The following SH2D4B variants were observed in gnomAD, a reference collection of about 807,000 sequenced individuals.
The protein encoded by SH2D4B is SH2 domain-containing protein 4B.
A neutral mutation model predicts 61.5 loss-of-function variants in SH2D4B; 45 were observed. The observed-to-expected ratio is 0.73, with a 90% CI of 0.58 to 0.94. The LOEUF (loss-of-function observed/expected upper bound fraction) is 0.94. Ranked by LOEUF, SH2D4B falls within the 40% of genes least tolerant of loss-of-function variation. The pLI, the probability that SH2D4B is intolerant of heterozygous loss-of-function variation, is 0.00. For synonymous variants in SH2D4B, 224 were observed against 220.4 expected, an observed-to-expected ratio of 1.02 and a Z score of -0.14; for missense variants, 572 against 574.2, an observed-to-expected ratio of 1.00 and a Z score of 0.04.
intron 6 of SH2D4B, among the ~76,000 whole-genome samples, chr10:80,622,883 G>A (rs938724517): frequency 6.6e-6 from 1 of 152,138 alleles, no homozygotes; most frequent in Non-Finnish European, 1.5e-5. Flanking sequence ...AGCTGTTATA[G>A]CAGAATACCT....
rs140016061 is a variant in SH2D4B at position 80,633,859 on chromosome 10, G to A, written c.989-426G>A. On this transcript the variant is annotated intron_variant, in intron 6 of 7. Transcript: ENST00000646907. Reference sequence around the variant, plus strand: ...CTTATTTATGGTACTAGAGAAATAAGTGAGTTAGTCATCAGCAGCCATTCT... The same window carrying A: ...CTTATTTATGGTACTAGAGAAATAAATGAGTTAGTCATCAGCAGCCATTCT... 6.8e-4 allele frequency among the ~76,000 whole-genome samples: 103 copies of A among 152,352 alleles called. 1 individual carries two copies. The East Asian group carries it at 0.019, about 28-fold the overall frequency.
intron 3 of SH2D4B, among the ~76,000 whole-genome samples, chr10:80,577,990 A>G (rs929548826): frequency 1.3e-5 from 2 of 150,076 alleles, no homozygotes; most frequent in African/African-American, 2.5e-5. Flanking sequence ...TTTTTTTTCG[A>G]GACAGGGTCC....
intron 4 of SH2D4B, among the ~76,000 whole-genome samples, chr10:80,600,616 T>C (rs1168812613): frequency 6.6e-6 from 1 of 151,960 alleles, no homozygotes; most frequent in African/African-American, 2.4e-5. Flanking sequence ...TCTCAGGGCC[T>C]TACCTGGCAG....
intron 7 of SH2D4B, among the ~76,000 whole-genome samples, chr10:80,639,492 T>C (rs1372097138): frequency 2.6e-5 from 4 of 152,214 alleles, no homozygotes; most frequent in Non-Finnish European, 5.9e-5. Flanking sequence ...AAATTTAGGA[T>C]AGTTAGCTCT....
At chr10:80,548,744 GTCTGGGCC>G (rs1183982213) in intron 1 of SH2D4B, among the ~76,000 whole-genome samples, 1 of 152,166 alleles carries the variant, frequency 6.6e-6, no homozygotes, top group Admixed American at 6.5e-5. Context: ...CTTGGAATTA[GTCTGGGCC>G]TCTTCCTGAG....
At chr10:80,615,675 A>C (rs1842651895) in intron 6 of SH2D4B, among the ~76,000 whole-genome samples, 1 of 152,032 alleles carries the variant, frequency 6.6e-6, no homozygotes, top group Admixed American at 6.6e-5. Context: ...TGCCAGTCCA[A>C]ACCCCTGTTC....
At chr10:80,564,915 G>T (rs1020534345) in intron 1 of SH2D4B, among the ~76,000 whole-genome samples, 4 of 152,204 alleles carry the variant, frequency 2.6e-5, no homozygotes, top group African/African-American at 9.7e-5. Flanking sequence ...TGCCAATCGG[G>T]CAGCACTCAG....
At chr10:80,608,700 C>G (rs1197209420) in intron 5 of SH2D4B, among the ~76,000 whole-genome samples, 1 of 152,102 alleles carries the variant, frequency 6.6e-6, no homozygotes, top group Non-Finnish European at 1.5e-5. Context: ...GCCCTCCGTG[C>G]CTTCAGTCCC....
chr10:80,559,324 G>T (rs1841875220), intron 1 of SH2D4B, among the ~76,000 whole-genome samples: 1 of 152,072 alleles, frequency 6.6e-6, no homozygotes, highest in East Asian at 1.9e-4. Flanking sequence ...ACATTTGAAT[G>T]AACAGGCACA....
chr10:80,552,921 CTT>C (rs1042062487), intron 1 of SH2D4B, among the ~76,000 whole-genome samples: 3 of 144,106 alleles, frequency 2.1e-5, no homozygotes, highest in African/African-American at 5.8e-5. Context: ...CTCTCTCTCT[CTT>C]TCTTTCTTTG....
rs182911657 is a variant in SH2D4B at position 80,547,277 on chromosome 10, T to A, written c.184+8762T>A. On this transcript the variant is annotated intron_variant, in intron 1 of 7. Coordinates refer to ENST00000646907, the MANE Select transcript of SH2D4B (RefSeq NM_001388272.1). ...CTAAACACCATGGGAAATTCTTGCTTAAAGCTGCCTTGCGCCCCATCCCTA... is the reference window on the plus strand; with the variant it reads ...CTAAACACCATGGGAAATTCTTGCTAAAAGCTGCCTTGCGCCCCATCCCTA... Among the ~76,000 whole-genome samples, 147 of 152,354 alleles carry A rather than the reference T, an allele frequency of 9.6e-4. 1 individual carries two copies. Among genetic ancestry groups the A allele is most frequent in the African/African-American group, 3.3e-3 (138 of 41,580 alleles).
intron 7 of SH2D4B, among the ~76,000 whole-genome samples, chr10:80,634,800 G>A (rs1842878329): frequency 6.6e-6 from 1 of 152,156 alleles, no homozygotes; most frequent in Non-Finnish European, 1.5e-5. Flanking sequence ...CACAAGGACT[G>A]GATGATCATC....
At chr10:80,546,687 G>A (rs1236690019) in intron 1 of SH2D4B, among the ~76,000 whole-genome samples, 1 of 151,392 alleles carries the variant, frequency 6.6e-6, no homozygotes. Context: ...CACCGCGCCC[G>A]GCTAATTTTT....
chr10:80,609,643 T>C, intron 6 of SH2D4B, 92 bp downstream of exon 6: 1 of 1,579,076 alleles, frequency 6.3e-7, no homozygotes, highest in Non-Finnish European at 8.6e-7. Context: ...ACAGTTATAA[T>C]CAGGGGGCAG....
chr10:80,555,760 A>G (rs1841825996), intron 1 of SH2D4B, among the ~76,000 whole-genome samples: 1 of 152,250 alleles, frequency 6.6e-6, no homozygotes. Flanking sequence ...AGTTCCAAGC[A>G]AACTGGTACT....
rs34854917 is a variant in SH2D4B at position 80,558,898 on chromosome 10, T to C, written c.185-11256T>C. Among the ~76,000 whole-genome samples the C allele has an allele frequency of 6.6e-3, 1,010 of 152,328 alleles. 4 individuals carry two copies. The highest frequency in any genetic ancestry group is 0.011 in the Non-Finnish European group (738 of 68,022). ...GTTGCTTGTACTTTTGCTGTCATATTTAAGAAACCCTTGTTTCTGAGGTCA... is the reference window on the plus strand; with the variant it reads ...GTTGCTTGTACTTTTGCTGTCATATCTAAGAAACCCTTGTTTCTGAGGTCA... On this transcript the variant is annotated intron_variant, in intron 1 of 7. Coordinates refer to ENST00000646907, the MANE Select transcript of SH2D4B (RefSeq NM_001388272.1).
intron 6 of SH2D4B, among the ~76,000 whole-genome samples, chr10:80,617,874 G>A (rs138594800): frequency 3.9e-4 from 60 of 152,326 alleles, no homozygotes; most frequent in African/African-American, 1.4e-3. Context: ...GGGCCTGCTT[G>A]TCTCTCAACA....
chr10:80,597,015 A>G (rs1376950147), intron 4 of SH2D4B, among the ~76,000 whole-genome samples: 1 of 152,236 alleles, frequency 6.6e-6, no homozygotes, highest in Non-Finnish European at 1.5e-5. Context: ...AAAATACAGT[A>G]TAGCAACTAT....
At chr10:80,584,064 G>T (rs1371717211) in intron 3 of SH2D4B, among the ~76,000 whole-genome samples, 2 of 152,226 alleles carry the variant, frequency 1.3e-5, no homozygotes, top group African/African-American at 4.8e-5. Flanking sequence ...GCAGGAAAAT[G>T]ATTTTTAATC....
Sources: allele counts gnomAD v4.1 joint callset (sites outside exome capture counted in the v4.1 genomes callset), GRCh38; gene constraint gnomAD v4.1.1; transcripts MANE v1.5; gene names NCBI Gene and HGNC (gene_info 2026-07-23, HGNC 2026-07-21).